Variants in MALRD1 observed in about 807,000 individuals in gnomAD.
MALRD1 encodes MAM and LDL-receptor class A domain-containing protein 1.
MALRD1 carries 247 observed loss-of-function variants against 242.1 expected under a neutral mutation model. That is an observed-to-expected ratio of 1.02 (90% confidence interval 0.92 to 1.13). The LOEUF is 1.13. Among genes scored for constraint, MALRD1 ranks in the 50% most tolerant of loss-of-function variants. The pLI is 0.00. For missense variants in MALRD1, 2,989 were observed against 2,533.1 expected (o/e 1.18, Z -3.86); for synonymous variants, 995 against 866.6 (o/e 1.15, Z -2.60).
intron 11 of MALRD1, among the ~76,000 whole-genome samples, chr10:19,152,957 C>A (rs1367277306): frequency 1.3e-5 from 2 of 152,020 alleles, no homozygotes; most frequent in Admixed American, 6.6e-5. Flanking sequence ...TATCATTTGC[C>A]ATTTAGAATG....
rs79364026 is a variant in MALRD1, at chr10:19,172,907, A to C, written c.1831-2301A>C. On this transcript the variant is annotated intron_variant, in intron 13 of 39. Transcript: ENST00000454679. Reference sequence around the variant, plus strand: ...TACAATACTTGTGTATATTTTACCAAGATCCTTCTTCAAAACCTATGTTAT... The same window carrying C: ...TACAATACTTGTGTATATTTTACCACGATCCTTCTTCAAAACCTATGTTAT... Among the ~76,000 whole-genome samples the C allele has an allele frequency of 0.016, 2,370 of 152,160 alleles. 100 individuals are homozygous for C. The East Asian group carries it at 0.18, about 12-fold the overall frequency.
chr10:19,657,075 A>G (rs1183369792), intron 36 of MALRD1, among the ~76,000 whole-genome samples: 4 of 152,144 alleles, frequency 2.6e-5, no homozygotes, highest in Non-Finnish European at 5.9e-5. Context: ...AAATTTTTCA[A>G]ATCTATAGAT....
intron 26 of MALRD1, among the ~76,000 whole-genome samples, chr10:19,370,351 G>A (rs1028479961): frequency 1.3e-5 from 2 of 152,096 alleles, no homozygotes; most frequent in African/African-American, 4.8e-5. Context: ...TCCTATCCAT[G>A]GGCATGATAT....
intron 6 of MALRD1, among the ~76,000 whole-genome samples, chr10:19,123,866 A>G (rs1337973854): frequency 6.6e-6 from 1 of 152,174 alleles, no homozygotes; most frequent in African/African-American, 2.4e-5. Context: ...ATTTAAACTA[A>G]CTAATCTAAT....
At chr10:19,276,763 T>A (rs1241278386) in intron 19 of MALRD1, among the ~76,000 whole-genome samples, 1 of 152,136 alleles carries the variant, frequency 6.6e-6, no homozygotes, top group Non-Finnish European at 1.5e-5. Flanking sequence ...GTTCAATGAG[T>A]TAGACGTGAG....
intron 34 of MALRD1, among the ~76,000 whole-genome samples, chr10:19,607,213 G>A (rs995862084): frequency 1.3e-5 from 2 of 152,166 alleles, no homozygotes; most frequent in Non-Finnish European, 2.9e-5. Flanking sequence ...CATAATGCAT[G>A]TATTAGTCAG....
intron 28 of MALRD1, among the ~76,000 whole-genome samples, chr10:19,418,536 G>A (rs547705664): frequency 6.6e-6 from 1 of 150,376 alleles, no homozygotes; most frequent in Admixed American, 6.6e-5. Context: ...CTTCCATGAT[G>A]TCTAAATTGT....
Position 19,165,788 on chromosome 10 carries a change from G to C in MALRD1, c.1808G>C (p.Gly603Ala). 8.1e-7 allele frequency: 1 copy of C among 1,231,646 alleles called. No individual in the cohort carries two copies. Among genetic ancestry groups the C allele is most frequent in the Non-Finnish European group, 1.0e-6 (1 of 987,946 alleles). The allele number at this position is 1,231,646 out of a possible 1,614,324, so 76.3% of individuals were successfully genotyped here. A position where few individuals can be genotyped will look rare whatever the true frequency, so the allele number is the denominator to read the frequency against. The change falls in exon 13 of 40, where the codon GGA becomes GCA. Residue 603 changes from glycine (G) to alanine (A), a missense_variant. By Grantham distance (60) the Gly-to-Ala change is moderately conservative. Transcript: ENST00000454679. ...HAKIDLIAEA[G>A]ESTLPFQLIL... ...AAAATTGATCTCATTGCAGAAGCGG[G>C]AGAATCTACTCTACCTTTTCAGGTA...
At chr10:19,264,599 G>A (rs765020151) in intron 19 of MALRD1, among the ~76,000 whole-genome samples, 20 of 151,654 alleles carry the variant, frequency 1.3e-4, no homozygotes, top group Non-Finnish European at 2.4e-4. Context: ...GAGTACAGGC[G>A]CCCACCACCA....
chr10:19,692,681 A>G, intron 38 of MALRD1, 127 bp downstream of exon 38: 1 of 673,032 alleles, frequency 1.5e-6, no homozygotes, highest in South Asian at 2.1e-5. Flanking sequence ...TTGCTGCTTT[A>G]TGGATTTATT....
chr10:19,194,254 A>C (rs1836130608), intron 14 of MALRD1, among the ~76,000 whole-genome samples: 1 of 152,192 alleles, frequency 6.6e-6, no homozygotes, highest in Non-Finnish European at 1.5e-5. Flanking sequence ...AAGAAAATAA[A>C]CGTAGGTTAT....
intron 38 of MALRD1, among the ~76,000 whole-genome samples, chr10:19,701,653 T>C (rs1341723640): frequency 6.6e-6 from 1 of 151,494 alleles, no homozygotes; most frequent in Non-Finnish European, 1.5e-5. Flanking sequence ...TTACCAAGTT[T>C]CTGTATTTCT....
Position 19,679,415 on chromosome 10 carries a change from A to G in MALRD1, c.6138-12867A>G, listed in dbSNP as rs183141282. Among the ~76,000 whole-genome samples, 7 of 152,030 alleles carry G rather than the reference A, an allele frequency of 4.6e-5. No individual in the cohort carries two copies. The East Asian group carries it at 7.7e-4, about 17-fold the overall frequency. On this transcript the variant is annotated intron_variant, in intron 36 of 39. Coordinates refer to ENST00000454679, the MANE Select transcript of MALRD1 (RefSeq NM_001142308.3). ...GGTGTATGTGTCCAGGAATTTATCTATTTCTTCTAGATTTTCTAGTTTATT... is the reference window on the plus strand; with the variant it reads ...GGTGTATGTGTCCAGGAATTTATCTGTTTCTTCTAGATTTTCTAGTTTATT...
chr10:19,414,349 T>A (rs918121838), intron 28 of MALRD1, among the ~76,000 whole-genome samples: 18 of 152,258 alleles, frequency 1.2e-4, no homozygotes, highest in Non-Finnish European at 2.2e-4. Context: ...TGATAAATTT[T>A]AAAAAATATA....
intron 29 of MALRD1, among the ~76,000 whole-genome samples, chr10:19,478,373 A>C (rs1836838332): frequency 1.3e-5 from 2 of 152,172 alleles, no homozygotes; most frequent in Non-Finnish European, 2.9e-5. Flanking sequence ...TTCATTTTAC[A>C]CCTCACCTTC....
rs551476731 is a variant in MALRD1 at position 19,298,032 on chromosome 10, G to A, written c.3419+14851G>A. 3.9e-5 allele frequency among the ~76,000 whole-genome samples: 6 copies of A among 152,108 alleles called. No individual in the cohort carries two copies. The East Asian group carries it at 7.8e-4, about 20-fold the overall frequency. ...TGTGTTGCTCTAAAGGAATACCTGA[G>A]ACTGAATAATATATAAATGAAACAG... On this transcript the variant is annotated intron_variant, in intron 21 of 39. Transcript: ENST00000454679.
chr10:19,133,632 C>G (rs1833201460), intron 8 of MALRD1, among the ~76,000 whole-genome samples: 2 of 152,112 alleles, frequency 1.3e-5, no homozygotes, highest in South Asian at 4.1e-4. Context: ...CATCCTAATA[C>G]TGTTTATCTG....
At chr10:19,511,974 C>A (rs1289661669) in intron 31 of MALRD1, among the ~76,000 whole-genome samples, 1 of 151,844 alleles carries the variant, frequency 6.6e-6, no homozygotes, top group African/African-American at 2.4e-5. Context: ...GTCAGTTTTG[C>A]CTTGAGGTCT....
At chr10:19,535,881 A>C (rs1834651724) in intron 32 of MALRD1, among the ~76,000 whole-genome samples, 1 of 152,182 alleles carries the variant, frequency 6.6e-6, no homozygotes, top group Non-Finnish European at 1.5e-5. Context: ...AATTGTCTGA[A>C]AGTATTTCTT....
Sources: gnomAD v4.1 joint callset for allele counts (sites outside exome capture counted in the v4.1 genomes callset) on GRCh38, gnomAD v4.1.1 for gene constraint, MANE v1.5 for transcripts, NCBI Gene and HGNC (gene_info 2026-07-23, HGNC 2026-07-21) for gene names.